Variants in MAGI2 observed in about 807,000 individuals in gnomAD.
MAGI2 encodes the protein membrane-associated guanylate kinase, WW and PDZ domain-containing protein 2.
MAGI2 carries 35 observed loss-of-function variants against 133.3 expected under a neutral mutation model. That is an observed-to-expected ratio of 0.26 (90% CI 0.20 to 0.35). The LOEUF is 0.35. Among genes scored for constraint, MAGI2 ranks in the 10% least tolerant of loss-of-function variants. MAGI2 has a pLI of 1.00. For missense variants in MAGI2, 1,636 were observed against 1,863.4 expected, an observed-to-expected ratio of 0.88 and a Z score of 2.25; for synonymous variants, 729 against 710.6, an observed-to-expected ratio of 1.03 and a Z score of -0.41.
chr7:79,261,456 G>A (rs116246277), intron 1 of MAGI2, among the ~76,000 whole-genome samples: 237 of 152,320 alleles, frequency 1.6e-3, no homozygotes, highest in African/African-American at 5.4e-3. Context: ...TCAAGCCTAA[G>A]GTTAGTGGAT....
At chr7:78,883,280 A>T (rs1052007925) in intron 2 of MAGI2, among the ~76,000 whole-genome samples, 1 of 152,042 alleles carries the variant, frequency 6.6e-6, no homozygotes, top group Non-Finnish European at 1.5e-5. Context: ...AAACAAAACA[A>T]AACCAAATAA....
intron 6 of MAGI2, among the ~76,000 whole-genome samples, chr7:78,375,403 T>C (rs1389022834): frequency 1.3e-5 from 2 of 152,036 alleles, no homozygotes; most frequent in Admixed American, 6.6e-5. Context: ...TGTAAATTCA[T>C]GTAAGGTTGT....
At chr7:78,834,550 T>C (rs1435589684) in intron 2 of MAGI2, among the ~76,000 whole-genome samples, 1 of 152,250 alleles carries the variant, frequency 6.6e-6, no homozygotes, top group East Asian at 1.9e-4. Context: ...TAATATTTCA[T>C]TGTATAAATA....
chr7:78,185,128 A>G (rs1213657167), intron 13 of MAGI2, among the ~76,000 whole-genome samples: 1 of 152,242 alleles, frequency 6.6e-6, no homozygotes, highest in Non-Finnish European at 1.5e-5. Context: ...TTCATAATAT[A>G]TTTTGTTTAA....
chr7:79,127,955 T>C (rs10277189), intron 1 of MAGI2, among the ~76,000 whole-genome samples: 109,095 of 152,024 alleles, frequency 0.72, 41,052 homozygotes, highest in Non-Finnish European at 0.85. Context: ...AGTCTTTAAT[T>C]CATCTTGAAT....
intron 20 of MAGI2, among the ~76,000 whole-genome samples, chr7:78,123,045 C>A (rs1007706037): frequency 2.0e-5 from 3 of 152,160 alleles, no homozygotes; most frequent in African/African-American, 7.2e-5. Context: ...TCCTTAAAAT[C>A]TGAATGTCCA....
chr7:79,293,112 TCCTGAACAGAG>T (rs1836638685), intron 1 of MAGI2, among the ~76,000 whole-genome samples: 1 of 152,220 alleles, frequency 6.6e-6, no homozygotes, highest in African/African-American at 2.4e-5. Flanking sequence ...TTTGTTCTGG[TCCTGAACAGAG>T]CATGTTTATT....
intron 1 of MAGI2, among the ~76,000 whole-genome samples, chr7:79,090,951 G>A (rs1315135257): frequency 1.3e-5 from 2 of 151,356 alleles, no homozygotes; most frequent in Admixed American, 6.6e-5. Flanking sequence ...CACCTAGTTT[G>A]TCTTCTTACT....
intron 2 of MAGI2, among the ~76,000 whole-genome samples, chr7:78,632,689 T>A (rs893571849): frequency 3.3e-5 from 5 of 152,232 alleles, no homozygotes; most frequent in African/African-American, 1.2e-4. Context: ...TGTGTTCCAA[T>A]GACTGGTGTA....
At chr7:78,357,754 T>C (rs1200344421) in intron 7 of MAGI2, among the ~76,000 whole-genome samples, 1 of 152,180 alleles carries the variant, frequency 6.6e-6, no homozygotes, top group Admixed American at 6.5e-5. Flanking sequence ...GCCTTTTTTT[T>C]TCTTTTGCCT....
At chr7:78,794,902 A>T (rs1208908230) in intron 2 of MAGI2, among the ~76,000 whole-genome samples, 1 of 152,102 alleles carries the variant, frequency 6.6e-6, no homozygotes, top group Non-Finnish European at 1.5e-5. Flanking sequence ...AATGAAAAAA[A>T]AATTGATTTT....
At chr7:78,307,470 T>C (rs1798336835) in intron 9 of MAGI2, among the ~76,000 whole-genome samples, 1 of 152,192 alleles carries the variant, frequency 6.6e-6, no homozygotes, top group Non-Finnish European at 1.5e-5. Context: ...ACTCATATTA[T>C]ATTAGATGTG....
intron 1 of MAGI2, among the ~76,000 whole-genome samples, chr7:79,238,254 A>T (rs556031401): frequency 6.6e-6 from 1 of 151,892 alleles, no homozygotes; most frequent in South Asian, 2.1e-4. Context: ...TCTTACTTCC[A>T]TTTGTTTCCA....
chr7:78,794,382 C>T (rs140158056), intron 2 of MAGI2, among the ~76,000 whole-genome samples: 82 of 152,302 alleles, frequency 5.4e-4, no homozygotes, highest in African/African-American at 1.8e-3. Context: ...AACTGCCCTT[C>T]TCCACATAAT....
intron 1 of MAGI2, among the ~76,000 whole-genome samples, chr7:79,438,114 C>T (rs367642596): frequency 1.1e-3 from 162 of 152,216 alleles, no homozygotes; most frequent in Non-Finnish European, 1.4e-3. Flanking sequence ...ACTGTAAAAA[C>T]AATACATCTG....
chr7:78,677,303 G>A (rs560024931), intron 2 of MAGI2, among the ~76,000 whole-genome samples: 15 of 151,014 alleles, frequency 9.9e-5, no homozygotes, highest in African/African-American at 3.4e-4. Context: ...TTATATAAAA[G>A]ATTTATATAT....
chr7:78,476,915 A>G (rs1791816157), intron 6 of MAGI2, among the ~76,000 whole-genome samples: 1 of 151,928 alleles, frequency 6.6e-6, no homozygotes, highest in Admixed American at 6.6e-5. Context: ...AAAAATCATC[A>G]TCAGCCTTGG....
intron 9 of MAGI2, among the ~76,000 whole-genome samples, chr7:78,343,088 G>T (rs1790560001): frequency 6.6e-6 from 1 of 152,090 alleles, no homozygotes; most frequent in Non-Finnish European, 1.5e-5. Context: ...AAGATCATGG[G>T]CCAGGCAAGA....
intron 7 of MAGI2, 69 bp downstream of exon 7, chr7:78,369,087 A>G: frequency 8.6e-7 from 1 of 1,160,936 alleles, no homozygotes; most frequent in South Asian, 1.5e-5. Flanking sequence ...ACACATGCTC[A>G]ATAAATAAAA....
Sources: gnomAD v4.1 joint callset for allele counts (sites outside exome capture counted in the v4.1 genomes callset) on GRCh38, gnomAD v4.1.1 for gene constraint, MANE v1.5 for transcripts, NCBI Gene and HGNC (gene_info 2026-07-23, HGNC 2026-07-21) for gene names.